The following KIAA1549 variants were observed in gnomAD, a reference collection of about 807,000 sequenced individuals.
KIAA1549 encodes UPF0606 protein KIAA1549.
KIAA1549 carries 70 observed loss-of-function variants against 156.4 expected under a neutral mutation model. That is an observed-to-expected ratio of 0.45 (90% CI 0.37 to 0.55). The LOEUF is 0.55. Among genes scored for constraint, KIAA1549 ranks in the 20% least tolerant of loss-of-function variants. The pLI is 0.00. For synonymous variants in KIAA1549, 1,103 were observed against 1,066.4 expected, an observed-to-expected ratio of 1.03 and a Z score of -0.67; for missense variants, 2,428 against 2,540.9, an observed-to-expected ratio of 0.96 and a Z score of 0.96.
At chr7:138,864,666 C>T (rs1313380494) in intron 15 of KIAA1549, among the ~76,000 whole-genome samples, 1 of 152,138 alleles carries the variant, frequency 6.6e-6, no homozygotes, top group Non-Finnish European at 1.5e-5. Context: ...GTGGGTGTTG[C>T]AAGAGGGTGA....
chr7:138,895,134 T>C (rs1268507391), intron 9 of KIAA1549, among the ~76,000 whole-genome samples: 2 of 152,202 alleles, frequency 1.3e-5, no homozygotes, highest in Admixed American at 1.3e-4. Context: ...GACTCAACCA[T>C]GAACAAGCGA....
intron 10 of KIAA1549, among the ~76,000 whole-genome samples, chr7:138,887,891 T>C (rs1027292689): frequency 2.6e-5 from 4 of 152,214 alleles, no homozygotes; most frequent in African/African-American, 4.8e-5. Context: ...GTGAGGTTTT[T>C]ATTTCATAGC....
At chr7:138,936,761 G>A (rs1031547682) in intron 1 of KIAA1549, among the ~76,000 whole-genome samples, 3 of 104,432 alleles carry the variant, frequency 2.9e-5, no homozygotes, top group East Asian at 3.1e-4. Flanking sequence ...CCCCCCAAAC[G>A]CTGGTACTGT....
chr7:138,844,498 A>G (rs772966739), intron 17 of KIAA1549, 24 bp from the exon 18 acceptor site: 13 of 1,514,108 alleles, frequency 8.6e-6, no homozygotes, highest in Non-Finnish European at 9.7e-6. Context: ...AAACCAGCAC[A>G]TCAGGACTCC....
chr7:138,859,431 A>C (rs950994078), intron 16 of KIAA1549, among the ~76,000 whole-genome samples: 7 of 152,082 alleles, frequency 4.6e-5, no homozygotes, highest in Middle Eastern at 3.2e-3. Context: ...TGTTCCTGCT[A>C]ATCTTTTTGA....
intron 1 of KIAA1549, among the ~76,000 whole-genome samples, chr7:138,937,826 T>C (rs2718136): frequency 0.43 from 65,719 of 151,782 alleles, 16,999 homozygotes; most frequent in African/African-American, 0.73. Context: ...TCTGGGCCAA[T>C]GATAGAGATT....
intron 12 of KIAA1549, among the ~76,000 whole-genome samples, chr7:138,873,377 A>G (rs763093532): frequency 9.2e-5 from 14 of 152,178 alleles, no homozygotes; most frequent in Admixed American, 1.3e-4. Context: ...ACAGCCAGGC[A>G]CCACCATTCA....
At chr7:138,967,258 A>G (rs1282338627) in intron 1 of KIAA1549, among the ~76,000 whole-genome samples, 1 of 152,198 alleles carries the variant, frequency 6.6e-6, no homozygotes, top group Non-Finnish European at 1.5e-5. Context: ...AAATATGTAG[A>G]AGACAATGAT....
chr7:138,917,632 G>A lies in KIAA1549; in HGVS notation c.1994C>T (p.Pro665Leu). 1.9e-6 allele frequency: 3 copies of A among 1,613,732 alleles called. No individual in the cohort carries two copies. Among genetic ancestry groups the A allele is most frequent in the Non-Finnish European group, 2.5e-6 (3 of 1,179,804 alleles). The change falls in exon 2 of 20, where the codon CCC (proline) becomes CTC (leucine). Residue 665 changes from proline (P) to leucine (L), a missense_variant. This residue lies in a region of KIAA1549 where 893 missense variants were observed against 847.9 expected (regional missense o/e 1.05). Coordinates refer to ENST00000422774, the MANE Select transcript of KIAA1549 (RefSeq NM_001164665.2). ...LSPFTSQSFS[P>L]LVETFTLFDS... ...AAACAATGTAAATGTCTCAACCAAG[G>A]GAGAAAAAGACTGAGATGTGAAGGG...
At chr7:138,856,068 T>C (rs1264939345) in intron 16 of KIAA1549, among the ~76,000 whole-genome samples, 3 of 151,320 alleles carry the variant, frequency 2.0e-5, no homozygotes, top group Non-Finnish European at 4.4e-5. Flanking sequence ...GTCTCACTCT[T>C]CCACCCAGGC....
At chr7:138,904,950 C>T in intron 7 of KIAA1549, 72 bp downstream of exon 7, 2 of 887,928 alleles carry the variant, frequency 2.3e-6, no homozygotes, top group Non-Finnish European at 3.5e-6. Flanking sequence ...AGAAAGGCAG[C>T]ATCATTCTCA....
chr7:138,905,924 A>C (rs1335892255), intron 6 of KIAA1549, among the ~76,000 whole-genome samples: 2 of 152,246 alleles, frequency 1.3e-5, no homozygotes, highest in African/African-American at 4.8e-5. Flanking sequence ...GAAGATATAG[A>C]ACAGTTTCAC....
chr7:138,879,225 G>A (rs1434327126), intron 12 of KIAA1549, among the ~76,000 whole-genome samples: 2 of 152,130 alleles, frequency 1.3e-5, no homozygotes, highest in African/African-American at 2.4e-5. Context: ...TGAATCCTGG[G>A]GGCAGTTTTT....
intron 18 of KIAA1549, among the ~76,000 whole-genome samples, chr7:138,841,767 TG>T (rs1809925744): frequency 6.6e-6 from 1 of 152,128 alleles, no homozygotes; most frequent in Non-Finnish European, 1.5e-5. Context: ...CTCACTATGT[TG>T]GCCAGGCTGG....
chr7:138,917,819 A>G lies in KIAA1549; in HGVS notation c.1807T>C (p.Phe603Leu). The G allele has an allele frequency of 6.3e-7, 1 of 1,596,612 alleles. No homozygotes were observed. Among genetic ancestry groups the G allele is most frequent in the South Asian group, 1.1e-5 (1 of 87,954 alleles). Reference sequence around the variant, plus strand: ...AAACTGGAACGTTCTTGGTCAGAGAAAAGTGAAGACTCCACTGAAGGAACC... The same window carrying G: ...AAACTGGAACGTTCTTGGTCAGAGAGAAGTGAAGACTCCACTGAAGGAACC... ...SLVPSVESSL[F>L]SDQERSSFSE... The change falls in exon 2 of 20, where the codon TTC becomes CTC. Residue 603 changes from phenylalanine (F) to leucine (L), a missense_variant. Coordinates refer to ENST00000422774, the MANE Select transcript of KIAA1549 (RefSeq NM_001164665.2).
rs1378348508 is a variant in KIAA1549, at chr7:138,894,420, G to T, written c.3954C>A (p.Ile1318=). Residue 1318 remains isoleucine (I), a synonymous_variant, in exon 10 of 20, where the codon ATC becomes ATA. Coordinates refer to ENST00000422774, the MANE Select transcript of KIAA1549 (RefSeq NM_001164665.2). ...PVLVVMVIVV[I]LYWKLCRTDK... is the part of the protein sequence containing the mutation. ...CTGTGCGGCATAGTTTCCAGTAGAGGATGACAACAATCACCATCACCACCA... is the reference window on the plus strand; with the variant it reads ...CTGTGCGGCATAGTTTCCAGTAGAGTATGACAACAATCACCATCACCACCA... 6.2e-7 allele frequency: 1 copy of T among 1,614,024 alleles called. No homozygotes were observed. Among genetic ancestry groups the T allele is most frequent in the Non-Finnish European group, 8.5e-7 (1 of 1,179,892 alleles).
rs1331316096 is a variant in KIAA1549 at position 138,838,088 on chromosome 7, G to A, written c.5671C>T (p.Pro1891Ser). The A allele has an allele frequency of 1.3e-6, 2 of 1,576,452 alleles. No individual in the cohort carries two copies. The highest frequency in any genetic ancestry group is 2.3e-5 in the East Asian group (1 of 43,522). The part of the protein sequence containing the change: ...FQVPRTSGRE[P>S]SAPSGNLPHR... Reference sequence around the variant, plus strand: ...GGGAGGTTCCCGGAAGGAGCTGAGGGCTCCCTGCCTGAAGTCCTTGGCACC... The same window carrying A: ...GGGAGGTTCCCGGAAGGAGCTGAGGACTCCCTGCCTGAAGTCCTTGGCACC... Residue 1891 changes from proline (P) to serine (S), a missense_variant, in exon 20 of 20, where the codon CCC becomes TCC. Pro to Ser is a moderately conservative substitution (Grantham distance 74, BLOSUM62 -1). Coordinates refer to ENST00000422774, the MANE Select transcript of KIAA1549 (RefSeq NM_001164665.2).
At chr7:138,873,199 T>C (rs965963218) in intron 12 of KIAA1549, among the ~76,000 whole-genome samples, 20 of 152,336 alleles carry the variant, frequency 1.3e-4, no homozygotes, top group African/African-American at 4.8e-4. Context: ...CAATTTGAAT[T>C]ACATTCATTA....
chr7:138,913,048 G>A (rs1584750787), intron 2 of KIAA1549, among the ~76,000 whole-genome samples: 2 of 152,188 alleles, frequency 1.3e-5, no homozygotes, highest in Non-Finnish European at 2.9e-5. Flanking sequence ...CTAATTTTTT[G>A]TACTTTTAGT....
Sources: gnomAD v4.1 joint callset for allele counts (sites outside exome capture counted in the v4.1 genomes callset) on GRCh38, gnomAD v4.1.1 for gene constraint, gnomAD v4.1.1 regional missense constraint, MANE v1.5 for transcripts, NCBI Gene and HGNC (gene_info 2026-07-23, HGNC 2026-07-21) for gene names.